Variants in PPP2R3C observed in about 807,000 individuals in gnomAD.
The protein encoded by PPP2R3C is serine/threonine-protein phosphatase 2A regulatory subunit B'' subunit gamma.
Under a neutral mutation model 63.7 loss-of-function variants are expected in PPP2R3C, and 47 were observed. The observed-to-expected ratio is 0.74, with a 90% CI of 0.58 to 0.94. PPP2R3C has a LOEUF of 0.94. Among genes scored for constraint, PPP2R3C ranks in the 40% least tolerant of loss-of-function variants. The pLI is 0.00. For synonymous variants in PPP2R3C, 180 were observed against 177.4 expected (o/e 1.01, Z -0.12); for missense variants, 421 against 518.4 (o/e 0.81, Z 1.82).
chr14:35,102,980 G>A (rs536603204), intron 6 of PPP2R3C, among the ~76,000 whole-genome samples: 5 of 152,180 alleles, frequency 3.3e-5, no homozygotes, highest in South Asian at 4.1e-4. Context: ...GGCTGGTCTT[G>A]AACTCCCGAG....
intron 6 of PPP2R3C, chr14:35,101,757 A>G (rs2046198022): frequency 1.3e-5 from 2 of 152,234 alleles, no homozygotes; most frequent in East Asian, 3.9e-4. Context: ...TACATTATCT[A>G]TATCTTTGTC....
intron 1 of PPP2R3C, among the ~76,000 whole-genome samples, chr14:35,119,189 C>T (rs1286339200): frequency 1.3e-5 from 2 of 152,044 alleles, no homozygotes; most frequent in African/African-American, 2.4e-5. Flanking sequence ...AGGTGTGCAC[C>T]ACTGCGCCCA....
upstream of PPP2R3C, chr14:35,122,238 G>A (rs952064694): frequency 6.6e-6 from 3 of 457,608 alleles, no homozygotes; most frequent in East Asian, 3.7e-5. Flanking sequence ...GGATTTTAAA[G>A]GCCACGATAA....
chr14:35,119,321 A>C (rs1326158048), intron 1 of PPP2R3C, among the ~76,000 whole-genome samples: 2 of 150,390 alleles, frequency 1.3e-5, no homozygotes, highest in African/African-American at 4.9e-5. Context: ...TACAGGTGTA[A>C]GCCACAGTGC....
At chr14:35,112,687 C>T (rs1338240274) in intron 2 of PPP2R3C, among the ~76,000 whole-genome samples, 2 of 152,208 alleles carry the variant, frequency 1.3e-5, no homozygotes, top group Non-Finnish European at 1.5e-5. Context: ...GGGGGTCAAA[C>T]ATGCCTCGTT....
rs369705449 is a variant in PPP2R3C, at chr14:35,087,452, T to G, written c.1173+499A>C. The G allele has an allele frequency of 2.5e-4, 40 of 160,444 alleles. No individual in the cohort carries two copies. The South Asian group carries it at 2.5e-3, about 10-fold the overall frequency. 9.9% of individuals were successfully genotyped at this position (160,444 alleles called of 1,614,324 possible). On this transcript the variant is annotated intron_variant, in intron 12 of 12. Coordinates refer to ENST00000261475, the MANE Select transcript of PPP2R3C (RefSeq NM_017917.4). ...TTCACTCTTGTTGTCCAGGCTGGAG[T>G]GCAGTGGCACAATCTCAGCTCACTG...
chr14:35,105,254 C>T (rs1489681958), intron 6 of PPP2R3C, among the ~76,000 whole-genome samples: 4 of 151,930 alleles, frequency 2.6e-5, no homozygotes, highest in East Asian at 3.9e-4. Context: ...ACAATCTAGG[C>T]TCACTGCAAC....
chr14:35,108,635 A>G (rs2046439582), intron 4 of PPP2R3C, among the ~76,000 whole-genome samples: 2 of 152,180 alleles, frequency 1.3e-5, no homozygotes, highest in South Asian at 2.1e-4. Context: ...AATGCTTAAC[A>G]TATTCTTTTG....
rs925454484 is a variant in PPP2R3C, at chr14:35,096,825, TAA to T, written c.707-63_707-62del. The T allele has an allele frequency of 1.3e-5, 19 of 1,423,784 alleles. No homozygotes were observed. The African/African-American group carries it at 2.5e-4, about 18-fold the overall frequency. 88.2% of individuals were successfully genotyped at this position (1,423,784 alleles called of 1,614,324 possible). ...TTAAGAAAAGAGCAACTCAATTAAT[TAA>T]AAAAAAATTTTTTTAACAAGAGCAA... On this transcript the variant is annotated intron_variant, in intron 7 of 12. Coordinates refer to ENST00000261475, the MANE Select transcript of PPP2R3C (RefSeq NM_017917.4).
chr14:35,111,235 C>CAAAAAAAAAAAAA (rs3058398), intron 2 of PPP2R3C, among the ~76,000 whole-genome samples: 2 of 89,794 alleles, frequency 2.2e-5, no homozygotes, highest in Non-Finnish European at 4.3e-5. Context: ...CTCCATCTAC[C>CAAAAAAAAAAAAA]AAAAAAAAAA....
Position 35,096,639 on chromosome 14 carries a change from G to A in PPP2R3C, c.763-6C>T, listed in dbSNP as rs1343118307. 6.2e-7 allele frequency: 1 copy of A among 1,612,626 alleles called. No homozygotes were observed. Among genetic ancestry groups the A allele is most frequent in the Non-Finnish European group, 8.5e-7 (1 of 1,179,536 alleles). Reference sequence around the variant, plus strand: ...GACAGTTCCTCATCCCTTAGCTAATGGAACACAAAGACATAATTAGAAGAT... The same window carrying A: ...GACAGTTCCTCATCCCTTAGCTAATAGAACACAAAGACATAATTAGAAGAT... On this transcript the variant is annotated splice_polypyrimidine_tract_variant and splice_region_variant and intron_variant, in intron 8 of 12. Transcript: ENST00000261475.
At chr14:35,089,910 C>G (rs769267761) in intron 11 of PPP2R3C, among the ~76,000 whole-genome samples, 5 of 152,040 alleles carry the variant, frequency 3.3e-5, no homozygotes, top group Non-Finnish European at 5.9e-5. Context: ...TGCGATCCGC[C>G]CACCCTGGCC....
In PPP2R3C at chr14:35,109,946, G is replaced by A; in HGVS notation, c.292-15C>T. 2 of 1,531,308 alleles carry A rather than the reference G, an allele frequency of 1.3e-6. No individual in the cohort carries two copies. Among genetic ancestry groups the A allele is most frequent in the Admixed American group, 1.8e-5 (1 of 54,364 alleles). 94.9% of individuals were successfully genotyped at this position (1,531,308 alleles called of 1,614,324 possible). A position where few individuals can be genotyped will look rare whatever the true frequency, so the allele number is the denominator to read the frequency against. ...AACCATAAGTTCTTAAGAGAATTGT[G>A]GAAGTGAAGATGTTGTAAGTTAAAA... is the stretch of plus-strand genomic sequence containing the variant. On this transcript the variant is annotated splice_polypyrimidine_tract_variant and intron_variant, in intron 3 of 12. Transcript: ENST00000261475.
At chr14:35,106,145 T>G (rs2046350419) in intron 6 of PPP2R3C, among the ~76,000 whole-genome samples, 1 of 151,992 alleles carries the variant, frequency 6.6e-6, no homozygotes, top group South Asian at 2.1e-4. Flanking sequence ...ACGCCCGGCA[T>G]CCTTGTCTAC....
intron 6 of PPP2R3C, chr14:35,101,515 C>T (rs2046189826): frequency 6.6e-6 from 1 of 152,162 alleles, no homozygotes; most frequent in African/African-American, 2.4e-5. Flanking sequence ...AATGAATACT[C>T]ATTAAATTGT....
chr14:35,111,881 A>T (rs564140600), intron 2 of PPP2R3C, among the ~76,000 whole-genome samples: 1 of 152,280 alleles, frequency 6.6e-6, no homozygotes, highest in African/African-American at 2.4e-5. Context: ...GAAAAACCCT[A>T]GCCTCCAACT....
intron 11 of PPP2R3C, 188 bp from the exon 12 acceptor site, chr14:35,088,198 A>G: frequency 1.7e-6 from 1 of 602,018 alleles, no homozygotes. Context: ...TAAATTCTCG[A>G]TTAGTGTATT....
chr14:35,120,816 T>G (rs1369049156), intron 1 of PPP2R3C, among the ~76,000 whole-genome samples: 1 of 152,064 alleles, frequency 6.6e-6, no homozygotes, highest in Admixed American at 6.6e-5. Context: ...TGTGGTGGCG[T>G]GTGCCTGTAC....
Position 35,091,300 on chromosome 14 carries a change from G to C in PPP2R3C, c.976-93C>G, listed in dbSNP as rs1170071434. ...GATTTGAAGCTATTTTGCAATCAAA[G>C]GTGGCAAATTTAATTTTTTCCCTAA... On this transcript the variant is annotated intron_variant, in intron 10 of 12. Coordinates refer to ENST00000261475, the MANE Select transcript of PPP2R3C (RefSeq NM_017917.4). 4 of 1,235,550 alleles carry C rather than the reference G, an allele frequency of 3.2e-6. No homozygotes were observed. In the East Asian group the frequency reaches 7.7e-5, roughly 24 times the overall value. The allele number at this position is 1,235,550 out of a possible 1,614,324, so 76.5% of individuals were successfully genotyped here. A position where few individuals can be genotyped will look rare whatever the true frequency, so the allele number is the denominator to read the frequency against.
Sources: gnomAD v4.1 joint callset for allele counts (sites outside exome capture counted in the v4.1 genomes callset) on GRCh38, gnomAD v4.1.1 for gene constraint, MANE v1.5 for transcripts, NCBI Gene and HGNC (gene_info 2026-07-23, HGNC 2026-07-21) for gene names.